RNF20: variants seen among roughly 807,000 people sequenced by gnomAD.
RNF20 encodes E3 ubiquitin-protein ligase BRE1A.
RNF20 carries 84 observed loss-of-function variants against 126.2 expected under a neutral mutation model. The ratio of observed to expected loss-of-function variants is 0.67; its 90% CI spans 0.56 to 0.80. RNF20 has a LOEUF of 0.80. Ranked by LOEUF, RNF20 falls within the 30% of genes least tolerant of loss-of-function variation. The pLI is 0.00. For missense variants in RNF20, 869 were observed against 1,188.2 expected (o/e 0.73, Z 3.95); for synonymous variants, 400 against 414.3 (o/e 0.97, Z 0.42).
chr9:101,558,161 GT>G (rs1202782802), intron 16 of RNF20, among the ~76,000 whole-genome samples: 1 of 151,974 alleles, frequency 6.6e-6, no homozygotes, highest in Non-Finnish European at 1.5e-5. Context: ...TGTACCCAGT[GT>G]GTAGTCTGTT....
intron 16 of RNF20, among the ~76,000 whole-genome samples, chr9:101,559,374 A>G (rs928912054): frequency 2.6e-5 from 4 of 152,056 alleles, no homozygotes; most frequent in Non-Finnish European, 5.9e-5. Context: ...TGCTTTGGCT[A>G]TGTATGCTCT....
chr9:101,550,702 C>T lies in RNF20; in HGVS notation c.1189C>T (p.Gln397Ter), dbSNP rs373594193. Residue 397 changes from glutamine (Q) to a stop codon, truncating the protein, a stop_gained, in exon 10 of 20, where the codon CAG becomes TAG. Coordinates refer to ENST00000389120, the MANE Select transcript of RNF20 (RefSeq NM_019592.7). LOFTEE classifies it high-confidence loss of function. The part of the protein sequence containing the change: ...QFSVLYNESL[Q>*]LKAHLDEART... ...CTCCGTCTTGTATAATGAGAGCCTA[C>T]AGTTGAAAGCACACTTGGATGAGGC... 6.2e-7 allele frequency: 1 copy of T among 1,614,102 alleles called. No homozygotes were observed. The highest frequency in any genetic ancestry group is 8.5e-7 in the Non-Finnish European group (1 of 1,179,966).
intron 5 of RNF20, among the ~76,000 whole-genome samples, chr9:101,542,549 T>A (rs1827276521): frequency 6.6e-6 from 1 of 152,222 alleles, no homozygotes; most frequent in Admixed American, 6.5e-5. Flanking sequence ...AATGAATGGA[T>A]GTGAACCTCC....
intron 9 of RNF20, among the ~76,000 whole-genome samples, chr9:101,548,830 A>T (rs1827395327): frequency 1.3e-5 from 2 of 152,162 alleles, no homozygotes; most frequent in Non-Finnish European, 2.9e-5. Context: ...AAATGCATTA[A>T]AGTGGGGCTT....
chr9:101,560,494 T>TATG (rs1827608147), intron 16 of RNF20, among the ~76,000 whole-genome samples: 1 of 152,226 alleles, frequency 6.6e-6, no homozygotes, highest in Non-Finnish European at 1.5e-5. Flanking sequence ...TGAGTTCTAA[T>TATG]TTATATGTTA....
At position 101,559,324 on chromosome 9, in the gene RNF20, G is replaced by A. The variant is rs566104441; in HGVS notation, c.2383-1477G>A. 1.1e-4 allele frequency among the ~76,000 whole-genome samples: 16 copies of A among 152,266 alleles called. No homozygotes were observed. In the South Asian group the frequency reaches 3.3e-3, roughly 32 times the overall value. On this transcript the variant is annotated intron_variant, in intron 16 of 19. Transcript: ENST00000389120. ...GCTTTATAGTATAGGTTGAAGTCAG[G>A]TAATGTGATGCCTCCAGATTTGTTC...
chr9:101,544,825 T>A lies in RNF20; in HGVS notation c.687T>A (p.Asn229Lys). 6.2e-7 allele frequency: 1 copy of A among 1,613,860 alleles called. No homozygotes were observed. Among genetic ancestry groups the A allele is most frequent in the African/African-American group, 1.3e-5 (1 of 75,014 alleles). ...QELNSFLAQE[N>K]MRLQELTDLL... Reference sequence around the variant, plus strand: ...TGAACTCTTTCCTCGCACAGGAGAATATGAGGCTACAGGAATTGACAGATC... The same window carrying A: ...TGAACTCTTTCCTCGCACAGGAGAAAATGAGGCTACAGGAATTGACAGATC... The change falls in exon 6 of 20, where the codon AAT becomes AAA. Residue 229 changes from asparagine (N) to lysine (K), a missense_variant. Physicochemically the swap from Asn to Lys is moderately conservative, Grantham distance 94. This residue lies in a region of RNF20 where 103 missense variants were observed against 94.3 expected (regional missense o/e 1.09). Transcript: ENST00000389120.
At chr9:101,543,083 A>G (rs1827283172) in intron 5 of RNF20, among the ~76,000 whole-genome samples, 2 of 152,150 alleles carry the variant, frequency 1.3e-5, no homozygotes, top group African/African-American at 4.8e-5. Flanking sequence ...CCTCAATAAC[A>G]CTATACAGTC....
chr9:101,535,545 C>T lies in RNF20; in HGVS notation c.122C>T (p.Ser41Phe). The T allele has an allele frequency of 6.2e-7, 1 of 1,611,116 alleles. No individual in the cohort carries two copies. Among genetic ancestry groups the T allele is most frequent in the Non-Finnish European group, 8.5e-7 (1 of 1,178,676 alleles). The change falls in exon 2 of 20, where the codon TCT becomes TTT. Residue 41 changes from serine (S) to phenylalanine (F), a missense_variant. Transcript: ENST00000389120. ...TVETIKLGGV[S>F]STEELDIRTL... is the part of the protein sequence containing the mutation. ...GAAACAATTAAGCTAGGAGGTGTCT[C>T]TTCAACGGTATGAGGAAACAGTGCC...
intron 16 of RNF20, 40 bp downstream of exon 16, chr9:101,557,636 G>T: frequency 1.4e-6 from 2 of 1,453,666 alleles, no homozygotes; most frequent in South Asian, 2.3e-5. Context: ...TGTTGAAATA[G>T]GGTGCTTTCT....
Position 101,552,460 on chromosome 9 carries a change from A to G in RNF20, c.1608A>G (p.Leu536=), listed in dbSNP as rs747458865. 1 of 1,613,574 alleles carries G rather than the reference A, an allele frequency of 6.2e-7. No individual in the cohort carries two copies. Among genetic ancestry groups the G allele is most frequent in the Admixed American group, 1.7e-5 (1 of 60,020 alleles). ...TEDPKDEPAE[L]KPDSEDLSSQ... is the part of the protein sequence containing the mutation. ...ACCCGAAGGATGAGCCTGCGGAGCT[A>G]AAACCAGATTCTGAGGACTTATCCT... Residue 536 remains leucine, a synonymous_variant, in exon 13 of 20, where the codon CTA becomes CTG. Transcript: ENST00000389120.
At chr9:101,538,972 G>C (rs1827222431) in intron 2 of RNF20, among the ~76,000 whole-genome samples, 1 of 152,190 alleles carries the variant, frequency 6.6e-6, no homozygotes, top group South Asian at 2.1e-4. Context: ...TACTAATGGA[G>C]TGAGGGTTTT....
intron 2 of RNF20, among the ~76,000 whole-genome samples, chr9:101,535,754 G>A (rs915985631): frequency 2.0e-5 from 3 of 152,190 alleles, no homozygotes; most frequent in African/African-American, 7.2e-5. Flanking sequence ...TTTTCAAGGT[G>A]TACTTATATT....
intron 13 of RNF20, 43 bp downstream of exon 13, chr9:101,552,796 A>ACTTTTGGTGGGATTGTTTGTTTT: frequency 6.5e-7 from 1 of 1,529,864 alleles, no homozygotes; most frequent in Non-Finnish European, 8.8e-7. Flanking sequence ...TGAAAAGCTA[A>ACTTTTGGTGGGATTGTTTGTTTT]GATTAAGACA....
At chr9:101,550,250 C>G (rs1448519052) in intron 9 of RNF20, among the ~76,000 whole-genome samples, 1 of 152,136 alleles carries the variant, frequency 6.6e-6, no homozygotes, top group Non-Finnish European at 1.5e-5. Flanking sequence ...ATTTTTTTCT[C>G]TGTCACTGTT....
chr9:101,542,945 G>A (rs1453614405), intron 5 of RNF20, among the ~76,000 whole-genome samples: 3 of 152,198 alleles, frequency 2.0e-5, no homozygotes, highest in Admixed American at 2.0e-4. Context: ...TATAGCATCA[G>A]TTGTAACTTG....
rs1329125259 is a variant in RNF20 at position 101,558,394 on chromosome 9, G to A, written c.2382+798G>A. On this transcript the variant is annotated intron_variant, in intron 16 of 19. Transcript: ENST00000389120. ...TTTTATGGCTGAGTAGTATTCCATG[G>A]CGTGACTTTTCCTCTGGGTAGATAC... Among the ~76,000 whole-genome samples the A allele has an allele frequency of 2.6e-5, 4 of 151,912 alleles. No individual in the cohort carries two copies. The East Asian group carries it at 5.8e-4, about 22-fold the overall frequency.
At chr9:101,549,072 G>A (rs1378795180) in intron 9 of RNF20, among the ~76,000 whole-genome samples, 2 of 152,208 alleles carry the variant, frequency 1.3e-5, no homozygotes, top group Non-Finnish European at 2.9e-5. Flanking sequence ...CTCTCCCTGT[G>A]TGCGGAGACG....
chr9:101,556,752 CA>C, intron 15 of RNF20, among the ~76,000 whole-genome samples: 1 of 151,520 alleles, frequency 6.6e-6, no homozygotes, highest in Non-Finnish European at 1.5e-5. Flanking sequence ...GATTAAATGA[CA>C]AAAAGTAAAA....
Sources: allele counts gnomAD v4.1 joint callset (sites outside exome capture counted in the v4.1 genomes callset), GRCh38; gene constraint gnomAD v4.1.1; regional missense constraint gnomAD v4.1.1; transcripts MANE v1.5; gene names NCBI Gene and HGNC (gene_info 2026-07-23, HGNC 2026-07-21).